ZNF536: variants seen among roughly 807,000 people sequenced by gnomAD.
The protein encoded by ZNF536 is zinc finger protein 536.
ZNF536 carries 13 observed loss-of-function variants against 84.5 expected under a neutral mutation model. The observed-to-expected ratio is 0.15, with a 90% CI of 0.10 to 0.24. The LOEUF (loss-of-function observed/expected upper bound fraction) is 0.24, where lower values mean the gene tolerates loss of function less well. Ranked by LOEUF, ZNF536 falls within the 10% of genes least tolerant of loss-of-function variation. The probability of loss-of-function intolerance (pLI) is 1.00; values close to 1 mark genes in which losing one functional copy is unlikely to be tolerated. For missense variants in ZNF536, 1,536 were observed against 1,747.5 expected (o/e 0.88, Z 2.16); for synonymous variants, 811 against 742.5 (o/e 1.09, Z -1.50).
chr19:30,401,934 G>T (rs926909502), intron 1 of ZNF536, among the ~76,000 whole-genome samples: 1 of 152,178 alleles, frequency 6.6e-6, no homozygotes, highest in Non-Finnish European at 1.5e-5. Context: ...ATTAAATAAA[G>T]ACTGTGAAAT....
chr19:30,252,739 A>G (rs2024688905), intron 1 of ZNF536, among the ~76,000 whole-genome samples: 1 of 152,228 alleles, frequency 6.6e-6, no homozygotes, highest in Admixed American at 6.5e-5. Flanking sequence ...GATTAGATCC[A>G]CTGTCTAATT....
chr19:30,509,868 C>T (rs902093579), intron 2 of ZNF536, among the ~76,000 whole-genome samples: 1 of 152,228 alleles, frequency 6.6e-6, no homozygotes, highest in Non-Finnish European at 1.5e-5. Context: ...ACTGTTGAAT[C>T]GTGAATTTCT....
intron 1 of ZNF536, among the ~76,000 whole-genome samples, chr19:30,259,122 C>G (rs549642026): frequency 0.015 from 2,268 of 152,230 alleles, 53 homozygotes; most frequent in African/African-American, 0.052. Context: ...ACTCAACCCC[C>G]GCTTTTTCAT....
At chr19:30,439,928 GTTTC>G (rs2051940701) in intron 1 of ZNF536, among the ~76,000 whole-genome samples, 1 of 133,792 alleles carries the variant, frequency 7.5e-6, no homozygotes, top group Non-Finnish European at 1.7e-5. Flanking sequence ...CTTTCCTTTT[GTTTC>G]TTTCTTTCTT....
intron 1 of ZNF536, among the ~76,000 whole-genome samples, chr19:30,233,853 G>C (rs189168953): frequency 6.6e-6 from 1 of 152,248 alleles, no homozygotes; most frequent in East Asian, 1.9e-4. Flanking sequence ...AGCATCTCCC[G>C]TGACCCACGT....
At chr19:30,259,198 G>A (rs1359060252) in intron 1 of ZNF536, among the ~76,000 whole-genome samples, 1 of 152,106 alleles carries the variant, frequency 6.6e-6, no homozygotes, top group Non-Finnish European at 1.5e-5. Context: ...GGCATCCAAG[G>A]TTTTTGCTTT....
At chr19:30,508,855 T>A (rs531871573) in intron 2 of ZNF536, among the ~76,000 whole-genome samples, 64 of 134,236 alleles carry the variant, frequency 4.8e-4, no homozygotes, top group African/African-American at 1.7e-3. Context: ...TGCGTCAGGG[T>A]CTTGCTCTGT....
At chr19:30,274,871 T>C (rs2026041024) in intron 1 of ZNF536, among the ~76,000 whole-genome samples, 1 of 152,242 alleles carries the variant, frequency 6.6e-6, no homozygotes. Context: ...GATGCATTAC[T>C]TCATAGATAT....
intron 1 of ZNF536, among the ~76,000 whole-genome samples, chr19:30,627,942 T>C (rs1204222874): frequency 4.6e-5 from 7 of 152,156 alleles, no homozygotes; most frequent in Non-Finnish European, 1.0e-4. Context: ...CGGCCATGAC[T>C]GCTTCTTCTC....
At chr19:30,305,544 C>A (rs2046316680) in intron 2 of ZNF536, among the ~76,000 whole-genome samples, 1 of 152,186 alleles carries the variant, frequency 6.6e-6, no homozygotes, top group Non-Finnish European at 1.5e-5. Flanking sequence ...CCTGAGATAG[C>A]CCTGAGCCTC....
chr19:30,544,713 T>C (rs769856998), intron 3 of ZNF536, among the ~76,000 whole-genome samples: 3 of 152,188 alleles, frequency 2.0e-5, no homozygotes, highest in Admixed American at 6.5e-5. Context: ...CAAAAAAATG[T>C]GTGTGAATCA....
intron 1 of ZNF536, among the ~76,000 whole-genome samples, chr19:30,623,049 T>G (rs1237051722): frequency 6.8e-6 from 1 of 146,536 alleles, no homozygotes; most frequent in Non-Finnish European, 1.5e-5. Flanking sequence ...TGTTTTTTTG[T>G]TTTTTTGAGA....
At chr19:30,612,220 C>T (rs377080287) in intron 1 of ZNF536, among the ~76,000 whole-genome samples, 44 of 152,252 alleles carry the variant, frequency 2.9e-4, no homozygotes, top group East Asian at 1.5e-3. Flanking sequence ...ATGGGTGATT[C>T]GCTATCCAAG....
rs972870082 is a variant in ZNF536, at chr19:30,445,835, T to A, written c.2170+103T>A. 6.9e-7 allele frequency: 1 copy of A among 1,438,886 alleles called. No individual in the cohort carries two copies. Among genetic ancestry groups the A allele is most frequent in the African/African-American group, 1.4e-5 (1 of 69,934 alleles). The allele number at this position is 1,438,886 out of a possible 1,614,324, so 89.1% of individuals were successfully genotyped here. A position where few individuals can be genotyped will look rare whatever the true frequency, so the allele number is the denominator to read the frequency against. On this transcript the variant is annotated intron_variant, in intron 2 of 4. Coordinates refer to ENST00000355537, the MANE Select transcript of ZNF536 (RefSeq NM_014717.3). This position sits in a 1 kb window ranked among gnomAD's most constrained non-coding sequence, Gnocchi z 4.5. ...TCCAGTCAGTTCCAAGGCCAGTGGG[T>A]CTTGATTGAGGACAGGGGTGGGTTG...
At chr19:30,563,356 A>AC (rs1172846434) in intron 1 of ZNF536, among the ~76,000 whole-genome samples, 1 of 152,032 alleles carries the variant, frequency 6.6e-6, no homozygotes, top group Non-Finnish European at 1.5e-5. Flanking sequence ...GGACAGACAC[A>AC]CCCCCATTGG....
intron 3 of ZNF536, among the ~76,000 whole-genome samples, chr19:30,359,929 A>G (rs1480174103): frequency 2.0e-5 from 3 of 152,202 alleles, no homozygotes; most frequent in African/African-American, 7.2e-5. Flanking sequence ...TTTCTGTGGT[A>G]TGAGGCCACC....
chr19:30,327,514 C>T (rs2047078225), intron 2 of ZNF536, among the ~76,000 whole-genome samples: 1 of 152,226 alleles, frequency 6.6e-6, no homozygotes, highest in African/African-American at 2.4e-5. Flanking sequence ...GACACATGAA[C>T]CCAGCTTTGC....
chr19:30,660,989 C>T (rs998747941), intron 1 of ZNF536, among the ~76,000 whole-genome samples: 3 of 152,222 alleles, frequency 2.0e-5, no homozygotes, highest in Non-Finnish European at 2.9e-5. Context: ...ACAGGCCCCA[C>T]TCCAGACGTG....
chr19:30,539,118 A>ACC (rs199778964), intron 3 of ZNF536, among the ~76,000 whole-genome samples: 14 of 148,926 alleles, frequency 9.4e-5, no homozygotes, highest in South Asian at 2.3e-4. Flanking sequence ...GGAGATATGC[A>ACC]CCCCCCCCAC....
Sources: allele counts gnomAD v4.1 joint callset (sites outside exome capture counted in the v4.1 genomes callset), GRCh38; gene constraint gnomAD v4.1.1; non-coding constraint Gnocchi (gnomAD v3.1); transcripts MANE v1.5; gene names NCBI Gene and HGNC (gene_info 2026-07-23, HGNC 2026-07-21).